Variants in PITPNB observed in about 807,000 individuals in gnomAD.
The protein encoded by PITPNB is phosphatidylinositol transfer protein beta isoform.
In PITPNB, 16 loss-of-function variants were observed where a neutral mutation model predicts 45.9. The observed-to-expected ratio is 0.35, with a 90% CI of 0.24 to 0.53. The LOEUF is 0.53. Ranked by LOEUF, PITPNB falls within the 20% of genes least tolerant of loss-of-function variation. The probability of loss-of-function intolerance (pLI) is 0.93; values close to 1 mark genes in which losing one functional copy is unlikely to be tolerated. For missense variants in PITPNB, 188 were observed against 330.5 expected (o/e 0.57, Z 3.34); for synonymous variants, 112 against 108.9 (o/e 1.03, Z -0.18).
At chr22:27,885,315 G>A (rs1935092827) in intron 7 of PITPNB, among the ~76,000 whole-genome samples, 1 of 143,578 alleles carries the variant, frequency 7.0e-6, no homozygotes, top group African/African-American at 2.6e-5. Flanking sequence ...AGATATGCAT[G>A]TGCATTTCAT....
chr22:27,858,356 T>C (rs2146346641), intron 10 of PITPNB, 31 bp downstream of exon 10: 2 of 1,562,104 alleles, frequency 1.3e-6, no homozygotes, highest in East Asian at 4.5e-5. Flanking sequence ...AAGGGAAAAT[T>C]AGAGAATTGC....
chr22:27,875,892 C>G (rs1365863183), intron 7 of PITPNB, among the ~76,000 whole-genome samples: 2 of 152,178 alleles, frequency 1.3e-5, no homozygotes, highest in Admixed American at 1.3e-4. Context: ...CAGGAAGTAC[C>G]TGTTAACTGC....
chr22:27,909,631 T>C (rs1205822002), intron 3 of PITPNB, among the ~76,000 whole-genome samples: 5 of 152,098 alleles, frequency 3.3e-5, no homozygotes, highest in East Asian at 1.9e-4. Flanking sequence ...TATGGAAAAA[T>C]ACTATCAAAC....
At chr22:27,854,695 T>A (rs1241879876) in intron 11 of PITPNB, among the ~76,000 whole-genome samples, 159 bp downstream of exon 11, 1 of 152,260 alleles carries the variant, frequency 6.6e-6, no homozygotes, top group African/African-American at 2.4e-5. Context: ...TTTTAAAGAC[T>A]ATTAATAAGT....
chr22:27,891,199 T>G (rs1300375606), intron 7 of PITPNB, among the ~76,000 whole-genome samples: 1 of 152,218 alleles, frequency 6.6e-6, no homozygotes. Context: ...CACTGAATTA[T>G]ACATTTAAAA....
intron 7 of PITPNB, among the ~76,000 whole-genome samples, chr22:27,877,766 G>C (rs144204326): frequency 6.1e-4 from 93 of 152,280 alleles, no homozygotes; most frequent in Middle Eastern, 3.4e-3. Context: ...TAGGAGGTGG[G>C]GGGCAGGCTG....
At chr22:27,883,649 T>C (rs1178032895) in intron 7 of PITPNB, among the ~76,000 whole-genome samples, 1 of 152,236 alleles carries the variant, frequency 6.6e-6, no homozygotes, top group Non-Finnish European at 1.5e-5. Context: ...GGGTTTTGGC[T>C]TGAGTCCTAA....
Position 27,897,111 on chromosome 22 carries a change from CA to C in PITPNB, c.297+18del. The C allele has an allele frequency of 1.9e-6, 3 of 1,542,872 alleles. No individual in the cohort carries two copies. The highest frequency in any genetic ancestry group is 2.7e-6 in the Non-Finnish European group (3 of 1,115,268). On this transcript the variant is annotated intron_variant, in intron 5 of 11. Coordinates refer to ENST00000335272, the MANE Select transcript of PITPNB (RefSeq NM_012399.5). Reference sequence around the variant, plus strand: ...TTAAAGATAAAGAAAGTATGAGACACAAAAATAGTTTTACTCACCGTTACAA... The same window carrying C: ...TTAAAGATAAAGAAAGTATGAGACACAAAATAGTTTTACTCACCGTTACAA...
rs1019333793 is a variant in PITPNB at position 27,914,195 on chromosome 22, A to G, written c.51+122T>C. On this transcript the variant is annotated intron_variant, in intron 2 of 11. Coordinates refer to ENST00000335272, the MANE Select transcript of PITPNB (RefSeq NM_012399.5). ...CTTTGCAATTATCATTCATATAATT[A>G]ATTTTGTCACATAAGGTGGAATGAA... is the stretch of plus-strand genomic sequence containing the variant. 1.8e-5 allele frequency: 12 copies of G among 676,340 alleles called. No homozygotes were observed. In the African/African-American group the frequency reaches 2.2e-4, roughly 12 times the overall value. The allele number at this position is 676,340 out of a possible 1,614,324, so 41.9% of individuals were successfully genotyped here.
At chr22:27,916,970 C>A (rs1323826994) in intron 1 of PITPNB, among the ~76,000 whole-genome samples, 1 of 152,078 alleles carries the variant, frequency 6.6e-6, no homozygotes, top group African/African-American at 2.4e-5. Flanking sequence ...TTGAACAACA[C>A]TGAATTCTTT....
chr22:27,877,229 T>G (rs1934845041), intron 7 of PITPNB, among the ~76,000 whole-genome samples: 1 of 152,244 alleles, frequency 6.6e-6, no homozygotes, highest in Admixed American at 6.5e-5. Flanking sequence ...CTGGCCAGAA[T>G]AAGGGCTTAG....
chr22:27,874,044 A>G (rs750206773), intron 7 of PITPNB, among the ~76,000 whole-genome samples: 3 of 152,232 alleles, frequency 2.0e-5, no homozygotes, highest in African/African-American at 2.4e-5. Context: ...AGAAATAATA[A>G]AAGTCCTGGA....
At chr22:27,867,944 T>C (rs2146358814) in intron 8 of PITPNB, among the ~76,000 whole-genome samples, 1 of 152,280 alleles carries the variant, frequency 6.6e-6, no homozygotes, top group East Asian at 1.9e-4. Flanking sequence ...GTACATACTA[T>C]GTGCTATATA....
chr22:27,919,207 T>G lies in PITPNB; in HGVS notation c.-16A>C, dbSNP rs747486631. 6.2e-7 allele frequency: 1 copy of G among 1,610,802 alleles called. No individual in the cohort carries two copies. Among genetic ancestry groups the G allele is most frequent in the South Asian group, 1.1e-5 (1 of 91,020 alleles). ...TCAGCACCATCTTCCCGGAACCCCCTCACAGCTGCCGCCGATACCACCGCC... is the reference window on the plus strand; with the variant it reads ...TCAGCACCATCTTCCCGGAACCCCCGCACAGCTGCCGCCGATACCACCGCC... On this transcript the variant is annotated 5_prime_UTR_variant, in exon 1 of 12. Coordinates refer to ENST00000335272, the MANE Select transcript of PITPNB (RefSeq NM_012399.5).
intron 3 of PITPNB, among the ~76,000 whole-genome samples, chr22:27,899,570 G>T (rs576831066): frequency 1.3e-5 from 2 of 152,074 alleles, no homozygotes; most frequent in African/African-American, 2.4e-5. Flanking sequence ...TGATCCGCCC[G>T]CCTTGGCCTC....
At chr22:27,865,450 C>A (rs1259505615) in intron 8 of PITPNB, among the ~76,000 whole-genome samples, 1 of 152,184 alleles carries the variant, frequency 6.6e-6, no homozygotes, top group East Asian at 1.9e-4. Flanking sequence ...TGAAAGCAAT[C>A]ACAAGGTATA....
chr22:27,874,737 G>A (rs189090964), intron 7 of PITPNB, among the ~76,000 whole-genome samples: 59 of 152,334 alleles, frequency 3.9e-4, no homozygotes, highest in African/African-American at 1.3e-3. Flanking sequence ...TAACTTGACC[G>A]TGGTCGGTTG....
chr22:27,854,958 T>C lies in PITPNB; in HGVS notation c.769-19A>G, dbSNP rs1202909415. 11 of 1,580,764 alleles carry C rather than the reference T, an allele frequency of 7.0e-6. No homozygotes were observed. The highest frequency in any genetic ancestry group is 9.6e-6 in the Non-Finnish European group (11 of 1,149,804). On this transcript the variant is annotated intron_variant, in intron 10 of 11. Coordinates refer to ENST00000335272, the MANE Select transcript of PITPNB (RefSeq NM_012399.5). ...TACGCATCTAAACGTAAAATAAAATTGTGAGCTGCTGAAATCAGACTCTAA... is the reference window on the plus strand; with the variant it reads ...TACGCATCTAAACGTAAAATAAAATCGTGAGCTGCTGAAATCAGACTCTAA...
chr22:27,918,188 A>G (rs1467228679), intron 1 of PITPNB, among the ~76,000 whole-genome samples: 2 of 152,234 alleles, frequency 1.3e-5, no homozygotes, highest in Non-Finnish European at 2.9e-5. Context: ...TTTGGGAGGT[A>G]TTAAGTCTCA....
Sources: allele counts gnomAD v4.1 joint callset (sites outside exome capture counted in the v4.1 genomes callset), GRCh38; gene constraint gnomAD v4.1.1; transcripts MANE v1.5; gene names NCBI Gene and HGNC (gene_info 2026-07-23, HGNC 2026-07-21).